FABP12: variants seen among roughly 807,000 people sequenced by gnomAD.
The protein encoded by FABP12 is fatty acid-binding protein 12.
A neutral mutation model predicts 13.7 loss-of-function variants in FABP12; 19 were observed. The ratio of observed to expected loss-of-function variants is 1.39; its 90% confidence interval spans 0.97 to 2.04. The LOEUF is 2.04. Among genes scored for constraint, FABP12 ranks in the 30% most tolerant of loss-of-function variants. The pLI, the probability that FABP12 is intolerant of heterozygous loss-of-function variation, is 0.00. For missense variants in FABP12, 182 were observed against 164.2 expected, an observed-to-expected ratio of 1.11 and a Z score of -0.59; for synonymous variants, 61 against 57.0, an observed-to-expected ratio of 1.07 and a Z score of -0.32.
At chr8:81,579,340 A>C (rs1435888265) in intron 1 of FABP12, among the ~76,000 whole-genome samples, 3 of 152,178 alleles carry the variant, frequency 2.0e-5, no homozygotes, top group Non-Finnish European at 4.4e-5. Context: ...ACTAAAGAGG[A>C]GATATCCTCT....
rs1809153272 is a variant in FABP12 at position 81,533,884 on chromosome 8, T to G, written c.-158A>C. 6.6e-6 allele frequency among the ~76,000 whole-genome samples: 1 copy of G among 152,150 alleles called. No homozygotes were observed. The highest frequency in any genetic ancestry group is 2.4e-5 in the African/African-American group (1 of 41,434). ...TGGACTTCTGCTGGACATACCTGAC[T>G]TGATGACTCTGTGGGTCTGACGGAA... On this transcript the variant is annotated 5_prime_UTR_variant, in exon 1 of 5. Transcript: ENST00000360464.
intron 1 of FABP12, among the ~76,000 whole-genome samples, chr8:81,587,560 C>A (rs1470122537): frequency 6.6e-6 from 1 of 151,922 alleles, no homozygotes; most frequent in Non-Finnish European, 1.5e-5. Context: ...ATTTTGAAGC[C>A]ACAAAAGCAT....
At chr8:81,580,104 C>T (rs753489509) in intron 1 of FABP12, among the ~76,000 whole-genome samples, 4 of 152,208 alleles carry the variant, frequency 2.6e-5, no homozygotes, top group Non-Finnish European at 5.9e-5. Flanking sequence ...TACTGGTCAA[C>T]AGCTGTCAGC....
intron 1 of FABP12, among the ~76,000 whole-genome samples, chr8:81,573,955 A>T (rs1223163863): frequency 2.0e-5 from 3 of 152,070 alleles, no homozygotes; most frequent in African/African-American, 7.2e-5. Context: ...TCTTTCTCTT[A>T]TCTGATTGCT....
chr8:81,557,837 A>G (rs1444282367), intron 1 of FABP12, among the ~76,000 whole-genome samples: 3 of 152,170 alleles, frequency 2.0e-5, no homozygotes, highest in African/African-American at 7.2e-5. Context: ...AAATCATTTA[A>G]ATTTGGTTTT....
chr8:81,531,356 T>A lies in FABP12; in HGVS notation c.-41A>T. 2 of 1,427,338 alleles carry A rather than the reference T, an allele frequency of 1.4e-6. No individual in the cohort carries two copies. Among genetic ancestry groups the A allele is most frequent in the Non-Finnish European group, 1.9e-6 (2 of 1,035,050 alleles). 88.4% of individuals were successfully genotyped at this position (1,427,338 alleles called of 1,614,324 possible). ...TTGATCTCAAAGAACAGTAGTTTCA[T>A]GTGTATGCTGGTTTTCCCTGAAGTA... is the stretch of plus-strand genomic sequence containing the variant. On this transcript the variant is annotated 5_prime_UTR_variant, in exon 2 of 5. It removes an upstream start codon present in the reference 5' UTR. Transcript: ENST00000360464.
chr8:81,585,539 G>A (rs1810227827), intron 1 of FABP12, among the ~76,000 whole-genome samples: 1 of 152,034 alleles, frequency 6.6e-6, no homozygotes, highest in Non-Finnish European at 1.5e-5. Flanking sequence ...TGTTCTTTTG[G>A]CTTAAAATTG....
intron 3 of FABP12, among the ~76,000 whole-genome samples, 182 bp from the exon 4 acceptor site, chr8:81,527,303 A>T (rs1031152135): frequency 6.6e-6 from 1 of 152,210 alleles, no homozygotes; most frequent in African/African-American, 2.4e-5. Context: ...CTGCTGAAGA[A>T]AAAAGGTTTT....
chr8:81,582,793 G>T (rs991500707), intron 1 of FABP12, among the ~76,000 whole-genome samples: 1 of 152,060 alleles, frequency 6.6e-6, no homozygotes, highest in Non-Finnish European at 1.5e-5. Context: ...GCATTAAACA[G>T]ATTATCTAGA....
upstream of FABP12, among the ~76,000 whole-genome samples, chr8:81,537,702 G>A (rs1809257267): frequency 6.6e-6 from 1 of 152,104 alleles, no homozygotes; most frequent in Admixed American, 6.6e-5. Context: ...CGGGAAACTT[G>A]GCCATTCATG....
At chr8:81,566,249 C>T (rs1411287775) in intron 1 of FABP12, among the ~76,000 whole-genome samples, 4 of 152,010 alleles carry the variant, frequency 2.6e-5, no homozygotes, top group Non-Finnish European at 5.9e-5. Flanking sequence ...TAAAGAAGAA[C>T]TAATACCAAT....
intron 1 of FABP12, among the ~76,000 whole-genome samples, chr8:81,575,193 C>T (rs868194389): frequency 1.3e-5 from 2 of 152,108 alleles, no homozygotes; most frequent in Non-Finnish European, 2.9e-5. Flanking sequence ...TAATTTCGAT[C>T]TTGGTTTCGT....
intron 2 of FABP12, 99 bp downstream of exon 2, chr8:81,531,144 T>C: frequency 1.3e-6 from 1 of 772,354 alleles, no homozygotes. Context: ...TGTGAAAAAT[T>C]AGGGAGTTCA....
intron 1 of FABP12, among the ~76,000 whole-genome samples, chr8:81,587,008 T>A (rs1371950033): frequency 6.6e-6 from 1 of 152,246 alleles, no homozygotes; most frequent in African/African-American, 2.4e-5. Context: ...ATCCTCTGCA[T>A]ATGGCTGGCC....
rs1450529434 is a variant in FABP12 at position 81,584,651 on chromosome 8, G to T, written c.-185+5402C>A. 5.3e-5 allele frequency among the ~76,000 whole-genome samples: 8 copies of T among 152,068 alleles called. No individual in the cohort carries two copies. The South Asian group carries it at 8.3e-4, about 16-fold the overall frequency. ...TGATATATTGATTTCCTTTCTTTTG[G>T]ATATGTACTCAGAAATGGAATTGCT... On this transcript the variant is annotated intron_variant, in intron 1 of 5. Transcript: ENST00000692030.
intron 1 of FABP12, among the ~76,000 whole-genome samples, chr8:81,557,683 C>T (rs577236972): frequency 1.0e-3 from 153 of 152,284 alleles, no homozygotes; most frequent in African/African-American, 3.6e-3. Flanking sequence ...CTAGCTGACA[C>T]CTGAGTTAAA....
At chr8:81,525,089 C>T (rs1808855967) in exon 5 of FABP12, 3 of 1,594,486 alleles carry the variant, frequency 1.9e-6, no homozygotes, top group Middle Eastern at 1.7e-4. Flanking sequence ...CTCGTATGTT[C>T]GTGTACAGAT....
At chr8:81,526,861 T>C (rs968145641) in intron 4 of FABP12, among the ~76,000 whole-genome samples, 159 bp downstream of exon 4, 2 of 152,246 alleles carry the variant, frequency 1.3e-5, no homozygotes, top group Admixed American at 1.3e-4. Context: ...ACATTTTATA[T>C]AATGCTTACG....
chr8:81,529,582 G>A (rs769156176), exon 3 of FABP12: 1 of 1,613,624 alleles, frequency 6.2e-7, no homozygotes, highest in Admixed American at 1.7e-5. Flanking sequence ...TTGCCAAACG[G>A]CCCAGTTTCC....
Sources: gnomAD v4.1 joint callset for allele counts (sites outside exome capture counted in the v4.1 genomes callset) on GRCh38, gnomAD v4.1.1 for gene constraint, MANE v1.5 for transcripts, NCBI Gene and HGNC (gene_info 2026-07-23, HGNC 2026-07-21) for gene names.